FBXL3: variants seen among roughly 807,000 people sequenced by gnomAD.
FBXL3 encodes the protein F-box/LRR-repeat protein 3.
A neutral mutation model predicts 37.9 loss-of-function variants in FBXL3; 14 were observed. The ratio of observed to expected loss-of-function variants is 0.37; its 90% CI spans 0.24 to 0.58. The LOEUF is 0.58. FBXL3 is among the 20% of genes least tolerant of loss of function. The probability of loss-of-function intolerance (pLI) is 0.74; values close to 1 mark genes in which losing one functional copy is unlikely to be tolerated. For synonymous variants in FBXL3, 194 were observed against 180.1 expected, an observed-to-expected ratio of 1.08 and a Z score of -0.62; for missense variants, 327 against 511.1, an observed-to-expected ratio of 0.64 and a Z score of 3.47.
intron 1 of FBXL3, among the ~76,000 whole-genome samples, chr13:77,022,186 TAACTA>T (rs2034756901): frequency 6.6e-6 from 1 of 152,204 alleles, no homozygotes; most frequent in African/African-American, 2.4e-5. Context: ...GTGGTCAACT[TAACTA>T]AAATGAATAT....
chr13:77,017,422 G>A (rs2034663565), intron 3 of FBXL3: 1 of 152,136 alleles, frequency 6.6e-6, no homozygotes, highest in South Asian at 2.1e-4. Context: ...GAAGCTTGAA[G>A]GTGGCGCTAT....
chr13:77,010,297 CATT>C (rs2034526654), intron 4 of FBXL3: 1 of 151,908 alleles, frequency 6.6e-6, no homozygotes, highest in East Asian at 1.9e-4. Flanking sequence ...GGTAGCTAAC[CATT>C]CAAATGAAAG....
chr13:77,014,784 G>C (rs999997862), intron 4 of FBXL3: 1 of 152,140 alleles, frequency 6.6e-6, no homozygotes, highest in Non-Finnish European at 1.5e-5. Context: ...CAGTAGTAGG[G>C]TTTATACTCT....
intron 4 of FBXL3, chr13:77,008,494 C>G (rs1195876214): frequency 6.6e-6 from 1 of 152,168 alleles, no homozygotes; most frequent in Non-Finnish European, 1.5e-5. Context: ...TTATAACTTA[C>G]CAAAACTATC....
intron 4 of FBXL3, chr13:77,014,333 A>G (rs1177709035): frequency 6.6e-6 from 1 of 152,280 alleles, no homozygotes; most frequent in Middle Eastern, 3.2e-3. Flanking sequence ...CTATGAAGCC[A>G]GGAAGCACAG....
intron 1 of FBXL3, chr13:77,026,393 T>C: frequency 1.0e-6 from 1 of 984,660 alleles, no homozygotes; most frequent in Non-Finnish European, 1.2e-6. Flanking sequence ...CCCTGGGCAG[T>C]TTGCTTTGAC....
chr13:77,007,806 A>T lies in FBXL3; in HGVS notation c.644-18T>A. On this transcript the variant is annotated intron_variant, in intron 4 of 4. Coordinates refer to ENST00000355619, the MANE Select transcript of FBXL3 (RefSeq NM_012158.4). ...AAGGATACCTTGAAAGAAAAAAAAA[A>T]TTATTTGCAAGTTTTTGTAAAAGTT... The T allele has an allele frequency of 2.6e-6, 4 of 1,529,476 alleles. No homozygotes were observed. The South Asian group carries it at 5.2e-5, about 20-fold the overall frequency. 94.7% of individuals were successfully genotyped at this position (1,529,476 alleles called of 1,614,324 possible). A position where few individuals can be genotyped will look rare whatever the true frequency, so the allele number is the denominator to read the frequency against.
rs1346952953 is a variant in FBXL3, at chr13:77,005,821, C to G, written c.*1324G>C. ...CCGGGGTTAAATCATTTCTGATTTC[C>G]CTCAGGAGGGTAGTAATATCTACTA... On this transcript the variant is annotated 3_prime_UTR_variant, in exon 5 of 5. Coordinates refer to ENST00000355619, the MANE Select transcript of FBXL3 (RefSeq NM_012158.4). The G allele has an allele frequency of 1.3e-5, 2 of 151,980 alleles. No individual in the cohort carries two copies. Among genetic ancestry groups the G allele is most frequent in the Non-Finnish European group, 2.9e-5 (2 of 67,932 alleles). 9.4% of individuals were successfully genotyped at this position (151,980 alleles called of 1,614,324 possible).
At position 77,006,920 on chromosome 13, in the gene FBXL3, T is replaced by TA. The variant is rs1319737569; in HGVS notation, c.*224dup. On this transcript the variant is annotated 3_prime_UTR_variant, in exon 5 of 5. Coordinates refer to ENST00000355619, the MANE Select transcript of FBXL3 (RefSeq NM_012158.4). ...TGGTTATTTCACATCCGAACCACAT[T>TA]AAAAAAAATTCGGAGATATGACTGC... The TA allele has an allele frequency of 4.0e-5, 54 of 1,357,576 alleles. No individual in the cohort carries two copies. Among genetic ancestry groups the TA allele is most frequent in the African/African-American group, 5.8e-5 (4 of 68,540 alleles). 84.1% of individuals were successfully genotyped at this position (1,357,576 alleles called of 1,614,324 possible). A position where few individuals can be genotyped will look rare whatever the true frequency, so the allele number is the denominator to read the frequency against.
At chr13:77,016,607 G>C (rs1249095054) in intron 3 of FBXL3, 1 of 151,546 alleles carries the variant, frequency 6.6e-6, no homozygotes, top group Non-Finnish European at 1.5e-5. Flanking sequence ...GCACTCCTTA[G>C]CTCACTACAA....
At chr13:77,008,020 TAA>T (rs2034483833) in intron 4 of FBXL3, among the ~76,000 whole-genome samples, 2 of 152,102 alleles carry the variant, frequency 1.3e-5, no homozygotes, top group African/African-American at 4.8e-5. Context: ...TAAAAAGAAA[TAA>T]AACTCAGTTA....
chr13:77,011,297 T>C (rs12431286), intron 4 of FBXL3, among the ~76,000 whole-genome samples: 7,757 of 142,396 alleles, frequency 0.054, 364 homozygotes, highest in East Asian at 0.21. Context: ...CCGAGATCAA[T>C]GCCACTGCAC....
At chr13:77,021,394 A>G in intron 2 of FBXL3, 119 bp downstream of exon 2, 1 of 702,834 alleles carries the variant, frequency 1.4e-6, no homozygotes, top group Non-Finnish European at 2.3e-6. Context: ...ATAATTCTAA[A>G]TTTTTAAGCA....
intron 2 of FBXL3, among the ~76,000 whole-genome samples, chr13:77,021,280 CTTA>C (rs1434197840): frequency 9.2e-5 from 14 of 152,212 alleles, no homozygotes; most frequent in African/African-American, 2.4e-4. Flanking sequence ...ATGACTTATG[CTTA>C]TTTAGTGGCT....
At chr13:77,014,877 A>G (rs970205729) in intron 4 of FBXL3, 2 of 152,148 alleles carry the variant, frequency 1.3e-5, no homozygotes, top group Non-Finnish European at 2.9e-5. Flanking sequence ...TATAAGAGAA[A>G]CTGGAAAGAG....
At chr13:77,023,170 A>G (rs1278491697) in intron 1 of FBXL3, among the ~76,000 whole-genome samples, 1 of 150,668 alleles carries the variant, frequency 6.6e-6, no homozygotes, top group African/African-American at 2.4e-5. Context: ...CCGTTCACTC[A>G]TTCATTCAAG....
At chr13:77,026,725 C>T (rs1190085205) in intron 1 of FBXL3, 102 bp downstream of exon 1, 1 of 132,826 alleles carries the variant, frequency 7.5e-6, no homozygotes, top group Non-Finnish European at 1.6e-5. Flanking sequence ...GCCCCCGCGC[C>T]CCCCCCCACC....
intron 1 of FBXL3, among the ~76,000 whole-genome samples, chr13:77,024,685 T>A (rs1288731687): frequency 1.3e-5 from 2 of 152,094 alleles, no homozygotes; most frequent in African/African-American, 2.4e-5. Context: ...GTTGACAAAA[T>A]TTTTTTTAAC....
chr13:77,012,083 G>T (rs1252172783), intron 4 of FBXL3, among the ~76,000 whole-genome samples: 2 of 152,236 alleles, frequency 1.3e-5, no homozygotes, highest in African/African-American at 4.8e-5. Context: ...ATTAGTGGTT[G>T]TTGAGGGATG....
Sources: allele counts gnomAD v4.1 joint callset (sites outside exome capture counted in the v4.1 genomes callset), GRCh38; gene constraint gnomAD v4.1.1; transcripts MANE v1.5; gene names NCBI Gene and HGNC (gene_info 2026-07-23, HGNC 2026-07-21).